Variants in ANAPC1 observed in about 807,000 individuals in gnomAD.
The protein encoded by ANAPC1 is anaphase promoting complex subunit 1.
A neutral mutation model predicts 208.0 loss-of-function variants in ANAPC1; 36 were observed. That is an observed-to-expected ratio of 0.17 (90% CI 0.13 to 0.23). The LOEUF (loss-of-function observed/expected upper bound fraction) is 0.23. Ranked by LOEUF, ANAPC1 falls within the 10% of genes least tolerant of loss-of-function variation. ANAPC1 has a pLI of 1.00. For synonymous variants in ANAPC1, 378 were observed against 695.2 expected (o/e 0.54, Z 7.18); for missense variants, 942 against 2,011.6 (o/e 0.47, Z 10.17).
chr2:111,833,664 A>G (rs1680305336), intron 19 of ANAPC1, among the ~76,000 whole-genome samples: 1 of 109,204 alleles, frequency 9.2e-6, no homozygotes, highest in African/African-American at 3.3e-5. Context: ...TTTAAAGATT[A>G]AATAAGATAA....
chr2:111,813,424 T>C (rs568603830), intron 28 of ANAPC1, among the ~76,000 whole-genome samples: 128 of 152,144 alleles, frequency 8.4e-4, no homozygotes, highest in African/African-American at 3.0e-3. Context: ...ACTCTTTGCC[T>C]CCCTCTGGTG....
intron 29 of ANAPC1, among the ~76,000 whole-genome samples, chr2:111,807,565 G>A (rs1226647878): frequency 0.021 from 3,173 of 150,016 alleles, 63 homozygotes; most frequent in African/African-American, 0.072. Context: ...AGTGGCGGGC[G>A]CCTGTAGTCC....
rs367603648 is a variant in ANAPC1 at position 111,825,846 on chromosome 2, G to C, written c.2635C>G (p.Leu879Val). Residue 879 changes from leucine (L) to valine (V), a missense_variant, in exon 22 of 48, where the codon CTG becomes GTG. Coordinates refer to ENST00000341068, the MANE Select transcript of ANAPC1 (RefSeq NM_022662.4). The stretch of plus-strand genomic sequence containing the variant: ...AAGCTCTCATCACCAAGTATGTACA[G>C]TGCAATACTCTGCAAAGGAAGAAAA... The part of the protein sequence containing the change: ...RSRLVVLSIA[L>V]YILGDESLVS... 1.5e-5 allele frequency: 24 copies of C among 1,608,046 alleles called. No individual in the cohort carries two copies. The South Asian group carries it at 2.2e-4, about 15-fold the overall frequency.
chr2:111,772,808 T>C (rs1241176531), intron 46 of ANAPC1, among the ~76,000 whole-genome samples: 5 of 152,142 alleles, frequency 3.3e-5, no homozygotes, highest in Admixed American at 1.3e-4. Flanking sequence ...CCATATATTA[T>C]ATTTGATGGG....
At chr2:111,830,513 A>C (rs933163226) in intron 21 of ANAPC1, among the ~76,000 whole-genome samples, 10 of 152,006 alleles carry the variant, frequency 6.6e-5, no homozygotes, top group African/African-American at 1.9e-4. Flanking sequence ...AATACAGATA[A>C]ACTAGCTTCA....
chr2:111,831,495 T>C (rs1680128060), intron 20 of ANAPC1, 61 bp from the exon 21 acceptor site: 1 of 1,311,266 alleles, frequency 7.6e-7, no homozygotes, highest in East Asian at 2.4e-5. Context: ...CATTATTTTA[T>C]TTTAAACGGA....
rs1390944396 is a variant in ANAPC1 at position 111,849,381 on chromosome 2, C to A, written c.1650+1395G>T. Among the ~76,000 whole-genome samples the A allele has an allele frequency of 2.0e-5, 3 of 152,118 alleles. No individual in the cohort carries two copies. In the East Asian group the frequency reaches 5.8e-4, roughly 29 times the overall value. On this transcript the variant is annotated intron_variant, in intron 14 of 47. Coordinates refer to ENST00000341068, the MANE Select transcript of ANAPC1 (RefSeq NM_022662.4). ...AGAACACTCTGACACTTCTCCAGTT[C>A]CCCCTTTGAATGTTCTGCAAATGTG...
At chr2:111,826,649 C>CTTTA (rs1414950288) in intron 21 of ANAPC1, among the ~76,000 whole-genome samples, 20 of 143,984 alleles carry the variant, frequency 1.4e-4, no homozygotes, top group Non-Finnish European at 2.7e-4. Flanking sequence ...ACCAAAGCTG[C>CTTTA]TTTATTTATT....
chr2:111,880,090 T>C (rs1386066932), intron 2 of ANAPC1, among the ~76,000 whole-genome samples: 2 of 151,638 alleles, frequency 1.3e-5, no homozygotes, highest in African/African-American at 2.4e-5. Flanking sequence ...ACACCACAAG[T>C]TGGCCGGGCA....
intron 1 of ANAPC1, among the ~76,000 whole-genome samples, chr2:111,882,528 G>C (rs375869869): frequency 2.1e-4 from 31 of 150,928 alleles, no homozygotes; most frequent in African/African-American, 7.5e-4. Flanking sequence ...TCAGGAGTTT[G>C]ACACAAGCCT....
At chr2:111,875,505 C>T (rs1179611272) in intron 3 of ANAPC1, among the ~76,000 whole-genome samples, 1 of 152,162 alleles carries the variant, frequency 6.6e-6, no homozygotes, top group African/African-American at 2.4e-5. Flanking sequence ...TCTCCCTCTG[C>T]TTTATCACCC....
At chr2:111,801,076 G>A (rs1018564533) in intron 33 of ANAPC1, among the ~76,000 whole-genome samples, 1 of 152,060 alleles carries the variant, frequency 6.6e-6, no homozygotes, top group African/African-American at 2.4e-5. Flanking sequence ...ATACACTTAG[G>A]CCAGGCTCAG....
intron 24 of ANAPC1, among the ~76,000 whole-genome samples, chr2:111,823,836 C>T (rs1239253005): frequency 1.3e-5 from 2 of 150,830 alleles, no homozygotes; most frequent in Non-Finnish European, 3.0e-5. Flanking sequence ...CAGGAGGGGA[C>T]CATCCAAGAA....
chr2:111,856,800 A>G lies in ANAPC1; in HGVS notation c.1445T>C (p.Val482Ala), dbSNP rs767383936. The change falls in exon 12 of 48, where the codon GTG becomes GCG. Residue 482 changes from valine (V) to alanine (A), a missense_variant. Val to Ala is a moderately conservative substitution (Grantham distance 64). Coordinates refer to ENST00000341068, the MANE Select transcript of ANAPC1 (RefSeq NM_022662.4). The stretch of plus-strand genomic sequence containing the variant: ...TCTCAAATGTGCCTACATTACCTCC[A>G]CTGGTGCTGCATCCTTTGCTGGTAT... ...TNIPAKDAAP[V>A]EKIDTMLVLE... 2.5e-5 allele frequency: 40 copies of G among 1,613,230 alleles called. No homozygotes were observed. The highest frequency in any genetic ancestry group is 3.3e-5 in the Non-Finnish European group (39 of 1,179,850).
Position 111,821,220 on chromosome 2 carries a change from T to G in ANAPC1, c.3206+19A>C, listed in dbSNP as rs1350030020. 1.9e-6 allele frequency: 3 copies of G among 1,582,486 alleles called. No individual in the cohort carries two copies. Among genetic ancestry groups the G allele is most frequent in the South Asian group, 1.1e-5 (1 of 90,262 alleles). ...AACAATGAAACATGACAAGAGATAG[T>G]GCACGTGTTTTCTTTCACCTGTTTT... On this transcript the variant is annotated intron_variant, in intron 26 of 47. Coordinates refer to ENST00000341068, the MANE Select transcript of ANAPC1 (RefSeq NM_022662.4).
chr2:111,865,215 ACT>A (rs1185925786), intron 7 of ANAPC1, among the ~76,000 whole-genome samples: 36 of 151,856 alleles, frequency 2.4e-4, no homozygotes, highest in African/African-American at 8.0e-4. Flanking sequence ...ATTTGTGCTG[ACT>A]CTCACCATTA....
At chr2:111,787,018 A>G in intron 39 of ANAPC1, among the ~76,000 whole-genome samples, 1 of 147,198 alleles carries the variant, frequency 6.8e-6, no homozygotes, top group East Asian at 2.1e-4. Context: ...GCGTGGTGGC[A>G]GGTGCCTGTA....
intron 14 of ANAPC1, among the ~76,000 whole-genome samples, chr2:111,849,551 C>A (rs1438017944): frequency 2.6e-5 from 4 of 152,204 alleles, no homozygotes; most frequent in African/African-American, 7.2e-5. Context: ...TAAATACAAA[C>A]CACTTTTCTC....
intron 3 of ANAPC1, among the ~76,000 whole-genome samples, chr2:111,877,254 G>GATTTCT (rs1683069930): frequency 7.0e-6 from 1 of 142,058 alleles, no homozygotes; most frequent in South Asian, 2.4e-4. Flanking sequence ...TTTTTAGCTA[G>GATTTCT]AAAACCAGGA....
Sources: allele counts gnomAD v4.1 joint callset (sites outside exome capture counted in the v4.1 genomes callset), GRCh38; gene constraint gnomAD v4.1.1; transcripts MANE v1.5; gene names NCBI Gene and HGNC (gene_info 2026-07-23, HGNC 2026-07-21).